Variants in CUX2 observed in about 807,000 individuals in gnomAD.
CUX2 encodes the protein homeobox protein cut-like 2.
A neutral mutation model predicts 144.8 loss-of-function variants in CUX2; 40 were observed. The ratio of observed to expected loss-of-function variants is 0.28; its 90% confidence interval spans 0.21 to 0.36. CUX2 has a LOEUF of 0.36. Among genes scored for constraint, CUX2 ranks in the 10% least tolerant of loss-of-function variants. The pLI is 1.00. For synonymous variants in CUX2, 827 were observed against 875.6 expected (o/e 0.94, Z 0.98); for missense variants, 1,615 against 1,994.0 (o/e 0.81, Z 3.62).
chr12:111,253,885 T>TTTTTG (rs772681786), intron 3 of CUX2, among the ~76,000 whole-genome samples: 1 of 151,824 alleles, frequency 6.6e-6, no homozygotes, highest in Admixed American at 6.6e-5. Flanking sequence ...GTTTTTGCCA[T>TTTTTG]TTTTGTTTTG....
intron 1 of CUX2, among the ~76,000 whole-genome samples, chr12:111,085,685 G>T (rs1301610380): frequency 6.6e-6 from 1 of 152,148 alleles, no homozygotes; most frequent in Non-Finnish European, 1.5e-5. Context: ...GACCATTTTT[G>T]CCACAGCACA....
chr12:111,156,076 C>T (rs1331239401), intron 1 of CUX2, among the ~76,000 whole-genome samples: 1 of 152,188 alleles, frequency 6.6e-6, no homozygotes, highest in Non-Finnish European at 1.5e-5. Context: ...TTTCATTCCA[C>T]CGCCCTGATT....
In CUX2 at chr12:111,134,612, C is replaced by CTGTGTGTGTGTGTG. The variant is rs1228524853; in HGVS notation, c.64-79587_64-79586insGTGTGTGTGTGTGT. Among the ~76,000 whole-genome samples, 920 of 143,762 alleles carry CTGTGTGTGTGTGTG rather than the reference C, an allele frequency of 6.4e-3. 9 individuals carry two copies. The highest frequency in any genetic ancestry group is 0.026 in the African/African-American group (872 of 33,822). 94.3% of individuals were successfully genotyped at this position (143,762 alleles called of 152,430 possible). ...GATCTCTTTCTCTCTCTCTCTCTCT[C>CTGTGTGTGTGTGTG]TCTCTCTCTGTGTGTGTGTGTGTGT... On this transcript the variant is annotated intron_variant, in intron 1 of 21. Transcript: ENST00000261726.
At chr12:111,228,675 C>T (rs904752936) in intron 3 of CUX2, among the ~76,000 whole-genome samples, 7 of 152,024 alleles carry the variant, frequency 4.6e-5, no homozygotes, top group African/African-American at 1.2e-4. Flanking sequence ...CCACTTGCCT[C>T]GGCCTCCCCA....
chr12:111,268,634 C>T (rs954724228), intron 4 of CUX2, among the ~76,000 whole-genome samples: 10 of 152,240 alleles, frequency 6.6e-5, no homozygotes, highest in African/African-American at 1.9e-4. Context: ...CGCTATGGCA[C>T]GAGGCCGAGA....
chr12:111,296,186 C>T (rs976991388), intron 7 of CUX2, among the ~76,000 whole-genome samples: 1 of 151,556 alleles, frequency 6.6e-6, no homozygotes, highest in African/African-American at 2.4e-5. Context: ...CTCCACCCCC[C>T]AACCCCGGCC....
intron 1 of CUX2, among the ~76,000 whole-genome samples, chr12:111,054,418 C>G (rs945918573): frequency 2.0e-5 from 3 of 152,224 alleles, no homozygotes; most frequent in Admixed American, 2.0e-4. Flanking sequence ...TCTGCCTTCT[C>G]TGGCCTCAGT....
chr12:111,345,397 C>T (rs1348515556), intron 21 of CUX2, among the ~76,000 whole-genome samples: 5 of 142,122 alleles, frequency 3.5e-5, no homozygotes, highest in South Asian at 2.3e-4. Context: ...GAGCCGAGAT[C>T]GTGCCCCCAC....
intron 1 of CUX2, among the ~76,000 whole-genome samples, chr12:111,110,910 C>G (rs1706361994): frequency 6.6e-6 from 1 of 152,148 alleles, no homozygotes. Flanking sequence ...AGAAACTGTT[C>G]TTACGAATTG....
chr12:111,249,286 C>G (rs1592880703), intron 3 of CUX2, among the ~76,000 whole-genome samples: 1 of 152,054 alleles, frequency 6.6e-6, no homozygotes, highest in Non-Finnish European at 1.5e-5. Context: ...TCTCTGAAGG[C>G]TCATTTTCCC....
chr12:111,072,605 G>T (rs1391980943), intron 1 of CUX2, among the ~76,000 whole-genome samples: 1 of 152,248 alleles, frequency 6.6e-6, no homozygotes, highest in Admixed American at 6.5e-5. Context: ...AGTTTGTTGG[G>T]GGTATGGGGT....
intron 1 of CUX2, among the ~76,000 whole-genome samples, chr12:111,094,443 A>G (rs892571664): frequency 6.6e-6 from 1 of 152,248 alleles, no homozygotes; most frequent in Non-Finnish European, 1.5e-5. Context: ...GACTGGGGTC[A>G]GAGACCTGTG....
intron 1 of CUX2, among the ~76,000 whole-genome samples, chr12:111,120,845 C>A (rs2136095407): frequency 2.0e-5 from 3 of 152,224 alleles, no homozygotes; most frequent in South Asian, 4.2e-4. Flanking sequence ...TGTTGCCTTG[C>A]AAGTTGGGTT....
chr12:111,101,282 A>G (rs549041983), intron 1 of CUX2, among the ~76,000 whole-genome samples: 1 of 151,818 alleles, frequency 6.6e-6, no homozygotes, highest in African/African-American at 2.4e-5. Flanking sequence ...GTGGTAAGGG[A>G]CTCTGGCCAC....
At chr12:111,043,838 A>G (rs1391620150) in intron 1 of CUX2, among the ~76,000 whole-genome samples, 1 of 152,204 alleles carries the variant, frequency 6.6e-6, no homozygotes, top group Admixed American at 6.5e-5. Flanking sequence ...TGCCCTGTAC[A>G]TACTCACGAG....
Position 111,347,673 on chromosome 12 carries a change from C to G in CUX2, c.3809C>G (p.Pro1270Arg), listed in dbSNP as rs1040786096. 8 of 1,613,816 alleles carry G rather than the reference C, an allele frequency of 5.0e-6. No homozygotes were observed. The highest frequency in any genetic ancestry group is 6.8e-6 in the Non-Finnish European group (8 of 1,179,972). Residue 1270 changes from proline (P) to arginine (R), a missense_variant, in exon 22 of 22, where the codon CCA becomes CGA. Physicochemically the swap from Pro to Arg is moderately radical, Grantham distance 103. Transcript: ENST00000261726. ...SPDSETEDQK[P>R]TVKELELQEG... is the part of the protein sequence containing the mutation. The stretch of plus-strand genomic sequence containing the variant: ...GACTCTGAGACTGAGGACCAGAAGC[C>G]AACCGTGAAGGAACTGGAGCTTCAG...
At position 111,277,010 on chromosome 12, in the gene CUX2, C is replaced by T. The variant is rs915907118; in HGVS notation, c.301+13171C>T. Among the ~76,000 whole-genome samples, 3 of 152,174 alleles carry T rather than the reference C, an allele frequency of 2.0e-5. No homozygotes were observed. The highest frequency in any genetic ancestry group is 4.4e-5 in the Non-Finnish European group (3 of 68,038). On this transcript the variant is annotated intron_variant, in intron 4 of 21. Coordinates refer to ENST00000261726, the MANE Select transcript of CUX2 (RefSeq NM_015267.4). The surrounding 1 kb of genome is among the most constrained non-coding windows in gnomAD (Gnocchi z 5.0). Reference sequence around the variant, plus strand: ...AAAGTGCTGGCACTTGTTGGAGGTGCGGTCAAGAAATTCCAGTTCCTCTGA... The same window carrying T: ...AAAGTGCTGGCACTTGTTGGAGGTGTGGTCAAGAAATTCCAGTTCCTCTGA...
At chr12:111,139,479 T>A (rs533806240) in intron 1 of CUX2, among the ~76,000 whole-genome samples, 1 of 152,032 alleles carries the variant, frequency 6.6e-6, no homozygotes, top group Non-Finnish European at 1.5e-5. Context: ...TGGTCGAAGT[T>A]GTGGTCATGG....
In CUX2 at chr12:111,347,589, G is replaced by T. The variant is rs1344379591; in HGVS notation, c.3725G>T (p.Gly1242Val). Residue 1242 changes from glycine (G) to valine (V), a missense_variant, in exon 22 of 22, where the codon GGG (glycine) becomes GTG (valine). Physicochemically the swap from Gly to Val is moderately radical, Grantham distance 109. Transcript: ENST00000261726. ...TQDEPDLDPSGGPGILPPGHS... is the reference protein window; with the variant it reads ...TQDEPDLDPSVGPGILPPGHS... ...GATGAGCCAGACCTTGATCCAAGCG[G>T]GGGTCCTGGAATCCTACCGCCAGGC... 2.5e-6 allele frequency: 4 copies of T among 1,613,366 alleles called. No individual in the cohort carries two copies. In the Admixed American group the frequency reaches 6.7e-5, roughly 27 times the overall value.
Sources: allele counts gnomAD v4.1 joint callset (sites outside exome capture counted in the v4.1 genomes callset), GRCh38; gene constraint gnomAD v4.1.1; non-coding constraint Gnocchi (gnomAD v3.1); transcripts MANE v1.5; gene names NCBI Gene and HGNC (gene_info 2026-07-23, HGNC 2026-07-21).